Variants in CCSER1 observed in about 807,000 individuals in gnomAD.
CCSER1 encodes the protein serine-rich coiled-coil domain-containing protein 1.
In CCSER1, 41 loss-of-function variants were observed where a neutral mutation model predicts 82.0. The ratio of observed to expected loss-of-function variants is 0.50; its 90% CI spans 0.39 to 0.65. CCSER1 has a LOEUF of 0.65. CCSER1 is among the 30% of genes least tolerant of loss of function. The pLI is 0.00. For missense variants in CCSER1, 1,119 were observed against 1,064.2 expected, an observed-to-expected ratio of 1.05 and a Z score of -0.72; for synonymous variants, 414 against 383.9, an observed-to-expected ratio of 1.08 and a Z score of -0.92.
chr4:91,364,313 C>T (rs908019452), intron 10 of CCSER1, among the ~76,000 whole-genome samples: 2 of 151,842 alleles, frequency 1.3e-5, no homozygotes, highest in Non-Finnish European at 2.9e-5. Flanking sequence ...CTAGAAAAGA[C>T]TAATTTTCAT....
chr4:91,202,471 C>T (rs1004727589), intron 10 of CCSER1, among the ~76,000 whole-genome samples: 1 of 151,960 alleles, frequency 6.6e-6, no homozygotes, highest in Non-Finnish European at 1.5e-5. Flanking sequence ...TATTCCATGA[C>T]TCTAAGACAG....
At chr4:91,434,978 G>A (rs1754560714) in intron 10 of CCSER1, among the ~76,000 whole-genome samples, 1 of 152,122 alleles carries the variant, frequency 6.6e-6, no homozygotes. Flanking sequence ...GTAGAGTTCT[G>A]TTGTTGTTGT....
At chr4:90,346,121 A>G (rs2153507466) in intron 3 of CCSER1, among the ~76,000 whole-genome samples, 1 of 152,094 alleles carries the variant, frequency 6.6e-6, no homozygotes, top group East Asian at 1.9e-4. Context: ...TGAAGTTAAA[A>G]CACATTTTAC....
chr4:90,958,336 G>T (rs1733727624), intron 9 of CCSER1, among the ~76,000 whole-genome samples: 1 of 152,104 alleles, frequency 6.6e-6, no homozygotes, highest in African/African-American at 2.4e-5. Flanking sequence ...TTTAAATTAT[G>T]CAAGAGGCTA....
At chr4:90,795,177 C>T (rs778805008) in intron 7 of CCSER1, among the ~76,000 whole-genome samples, 3 of 151,658 alleles carry the variant, frequency 2.0e-5, no homozygotes, top group Non-Finnish European at 4.4e-5. Flanking sequence ...ATCCCAACTA[C>T]TCGGGAGACT....
At chr4:91,536,428 A>G (rs1377657998) in intron 10 of CCSER1, among the ~76,000 whole-genome samples, 1 of 152,060 alleles carries the variant, frequency 6.6e-6, no homozygotes, top group Non-Finnish European at 1.5e-5. Context: ...GTTGGATTCT[A>G]TCTGTTTGCC....
chr4:90,782,595 G>A (rs187956323), intron 7 of CCSER1, among the ~76,000 whole-genome samples: 8 of 152,060 alleles, frequency 5.3e-5, no homozygotes, highest in Admixed American at 3.3e-4. Context: ...AATAATTTTC[G>A]GTGAAAAAGG....
intron 8 of CCSER1, among the ~76,000 whole-genome samples, chr4:90,849,802 A>G (rs1191964775): frequency 6.6e-6 from 1 of 151,146 alleles, no homozygotes; most frequent in Non-Finnish European, 1.5e-5. Flanking sequence ...AAAAAAAAAA[A>G]AAAAAAAAAG....
At chr4:90,506,147 T>G (rs1770649738) in intron 5 of CCSER1, among the ~76,000 whole-genome samples, 1 of 152,226 alleles carries the variant, frequency 6.6e-6, no homozygotes. Flanking sequence ...AGCAGAGTTT[T>G]AAATATTCTA....
chr4:91,535,320 T>C (rs865946167), intron 10 of CCSER1, among the ~76,000 whole-genome samples: 7 of 152,024 alleles, frequency 4.6e-5, no homozygotes, highest in Non-Finnish European at 7.4e-5. Flanking sequence ...CCAAAAAAAC[T>C]TTCAGTAATA....
At chr4:90,879,352 G>A (rs1321678745) in intron 8 of CCSER1, among the ~76,000 whole-genome samples, 1 of 151,918 alleles carries the variant, frequency 6.6e-6, no homozygotes, top group African/African-American at 2.4e-5. Context: ...ATTGGGTTTT[G>A]CCTTCCTGTT....
intron 3 of CCSER1, among the ~76,000 whole-genome samples, chr4:90,353,822 C>T (rs953432029): frequency 1.3e-5 from 2 of 152,164 alleles, no homozygotes; most frequent in African/African-American, 2.4e-5. Context: ...GCCGGAGGAA[C>T]CCCACCAGAA....
chr4:91,106,869 TG>T lies in CCSER1; in HGVS notation c.2217+20877del, dbSNP rs768822414. ...TTATAACTTCTAATTATTGACAATG[TG>T]GTATAATTTTCCCAGGTTCAGCTAC... On this transcript the variant is annotated intron_variant, in intron 10 of 10. Coordinates refer to ENST00000509176, the MANE Select transcript of CCSER1 (RefSeq NM_001145065.2). Among the ~76,000 whole-genome samples the T allele has an allele frequency of 5.8e-4, 88 of 152,282 alleles. No individual in the cohort carries two copies. The Middle Eastern group carries it at 0.01, about 18-fold the overall frequency.
intron 7 of CCSER1, among the ~76,000 whole-genome samples, chr4:90,759,801 C>A (rs931895899): frequency 3.3e-5 from 5 of 151,902 alleles, no homozygotes; most frequent in African/African-American, 1.2e-4. Context: ...TCGTCTTCAC[C>A]ACATATATAC....
Position 91,321,298 on chromosome 4 carries a change from A to G in CCSER1, c.2217+235304A>G, listed in dbSNP as rs1251740159. Among the ~76,000 whole-genome samples the G allele has an allele frequency of 3.9e-5, 6 of 152,226 alleles. No homozygotes were observed. The South Asian group carries it at 8.3e-4, about 21-fold the overall frequency. ...AATTACACCACTGTTAATGCTAACT[A>G]TGAATGAGAGAGGACCTATAATGTG... On this transcript the variant is annotated intron_variant, in intron 10 of 10. Transcript: ENST00000509176.
At chr4:90,917,460 A>G (rs188612135) in intron 8 of CCSER1, among the ~76,000 whole-genome samples, 1 of 152,316 alleles carries the variant, frequency 6.6e-6, no homozygotes, top group East Asian at 1.9e-4. Context: ...TGGGAATTGA[A>G]CAATGAGAAC....
At chr4:91,161,927 T>G (rs897815075) in intron 10 of CCSER1, among the ~76,000 whole-genome samples, 21 of 152,132 alleles carry the variant, frequency 1.4e-4, no homozygotes, top group Non-Finnish European at 1.5e-5. Context: ...TACCCTGTAT[T>G]TTTTTCTTTT....
At chr4:91,571,497 T>C (rs954635379) in intron 10 of CCSER1, among the ~76,000 whole-genome samples, 3 of 152,164 alleles carry the variant, frequency 2.0e-5, no homozygotes, top group Non-Finnish European at 4.4e-5. Context: ...CTTACAATCA[T>C]GTCAGAAGGC....
At chr4:90,448,119 C>T (rs573897206) in intron 4 of CCSER1, among the ~76,000 whole-genome samples, 2 of 151,896 alleles carry the variant, frequency 1.3e-5, no homozygotes, top group African/African-American at 4.8e-5. Context: ...ATATCAAGCA[C>T]CTTCTTTTTC....
Sources: allele counts gnomAD v4.1 joint callset (sites outside exome capture counted in the v4.1 genomes callset), GRCh38; gene constraint gnomAD v4.1.1; transcripts MANE v1.5; gene names NCBI Gene and HGNC (gene_info 2026-07-23, HGNC 2026-07-21).